Variants in OLFM3 observed in about 807,000 individuals in gnomAD.
OLFM3 encodes olfactomedin 3, also known as noelin-3.
Under a neutral mutation model 48.6 loss-of-function variants are expected in OLFM3, and 20 were observed. That is an observed-to-expected ratio of 0.41 (90% CI 0.29 to 0.60). The LOEUF is 0.60. Among genes scored for constraint, OLFM3 ranks in the 20% least tolerant of loss-of-function variants. OLFM3 has a pLI of 0.28. For synonymous variants in OLFM3, 222 were observed against 198.1 expected, an observed-to-expected ratio of 1.12 and a Z score of -1.01; for missense variants, 437 against 544.3, an observed-to-expected ratio of 0.80 and a Z score of 1.96.
At chr1:101,962,040 A>G (rs1171772455) in intron 1 of OLFM3, among the ~76,000 whole-genome samples, 1 of 152,170 alleles carries the variant, frequency 6.6e-6, no homozygotes, top group Non-Finnish European at 1.5e-5. Flanking sequence ...CAATTTTTTT[A>G]AGAACAATTT....
At chr1:101,888,341 C>T (rs1462283815) in intron 1 of OLFM3, among the ~76,000 whole-genome samples, 3 of 152,002 alleles carry the variant, frequency 2.0e-5, no homozygotes. Context: ...TCAGAAATAA[C>T]ATCACACATC....
At chr1:101,964,560 A>G (rs1024149534) in intron 1 of OLFM3, among the ~76,000 whole-genome samples, 1 of 152,158 alleles carries the variant, frequency 6.6e-6, no homozygotes, top group African/African-American at 2.4e-5. Context: ...CTTTAAATGG[A>G]TCTTCACCAT....
At chr1:101,866,281 T>A (rs1343107458) in intron 1 of OLFM3, among the ~76,000 whole-genome samples, 2 of 152,162 alleles carry the variant, frequency 1.3e-5, no homozygotes, top group Non-Finnish European at 2.9e-5. Flanking sequence ...TCATTTTGAA[T>A]AAAATGTATT....
intron 4 of OLFM3, among the ~76,000 whole-genome samples, chr1:101,819,733 C>T (rs1242055484): frequency 1.3e-5 from 2 of 151,850 alleles, no homozygotes; most frequent in East Asian, 3.9e-4. Context: ...TTGTACTCCA[C>T]AAAAGACATT....
At chr1:101,880,549 G>A (rs1856037) in intron 1 of OLFM3, among the ~76,000 whole-genome samples, 29,961 of 151,610 alleles carry the variant, frequency 0.2, 3,311 homozygotes, top group Non-Finnish European at 0.26. Context: ...TTGAGAAGCC[G>A]TGGTTGGGGC....
At chr1:101,846,681 A>G (rs1419785406) in intron 1 of OLFM3, among the ~76,000 whole-genome samples, 2 of 152,138 alleles carry the variant, frequency 1.3e-5, no homozygotes, top group Admixed American at 6.6e-5. Flanking sequence ...GTATAACTAT[A>G]AAGTGTTTAT....
chr1:101,979,475 T>A (rs970366347), intron 1 of OLFM3, among the ~76,000 whole-genome samples: 2 of 152,134 alleles, frequency 1.3e-5, no homozygotes, highest in Non-Finnish European at 1.5e-5. Context: ...GATCTGATGG[T>A]TTTATAAGCA....
intron 1 of OLFM3, among the ~76,000 whole-genome samples, chr1:101,866,861 A>C (rs1005408743): frequency 6.6e-6 from 1 of 152,180 alleles, no homozygotes; most frequent in African/African-American, 2.4e-5. Flanking sequence ...GTGATTTAAA[A>C]TATTTATTGG....
chr1:101,811,995 A>AC (rs1468297886), intron 4 of OLFM3, among the ~76,000 whole-genome samples: 1 of 152,154 alleles, frequency 6.6e-6, no homozygotes, highest in Non-Finnish European at 1.5e-5. Flanking sequence ...ACCATGGAAT[A>AC]TATGCAGCCA....
intron 1 of OLFM3, among the ~76,000 whole-genome samples, chr1:101,975,887 C>A (rs536911721): frequency 2.6e-5 from 4 of 151,490 alleles, no homozygotes; most frequent in East Asian, 3.9e-4. Context: ...AAAGAATATG[C>A]AAAAATCAAA....
At chr1:101,939,332 G>A (rs1278484693) in intron 1 of OLFM3, among the ~76,000 whole-genome samples, 1 of 152,056 alleles carries the variant, frequency 6.6e-6, no homozygotes, top group Non-Finnish European at 1.5e-5. Context: ...ATATCAGAAT[G>A]GTATTTTGAA....
At chr1:101,979,011 G>A (rs1215717058) in intron 1 of OLFM3, among the ~76,000 whole-genome samples, 1 of 152,092 alleles carries the variant, frequency 6.6e-6, no homozygotes, top group Non-Finnish European at 1.5e-5. Flanking sequence ...CATTAACGTA[G>A]TATATTGAAA....
At chr1:101,958,632 A>G (rs1267923424) in intron 1 of OLFM3, among the ~76,000 whole-genome samples, 1 of 152,028 alleles carries the variant, frequency 6.6e-6, no homozygotes, top group Non-Finnish European at 1.5e-5. Flanking sequence ...CAATCAGGCG[A>G]TGAAAAGCGG....
At chr1:101,955,466 C>T (rs1000555860) in intron 1 of OLFM3, among the ~76,000 whole-genome samples, 6 of 151,830 alleles carry the variant, frequency 4.0e-5, no homozygotes, top group African/African-American at 1.4e-4. Flanking sequence ...TCATAAACAC[C>T]ATATTCGATA....
At chr1:101,938,923 A>C (rs949510001) in intron 1 of OLFM3, among the ~76,000 whole-genome samples, 8 of 152,266 alleles carry the variant, frequency 5.3e-5, no homozygotes, top group Admixed American at 3.3e-4. Flanking sequence ...TTTCCCACCC[A>C]CCTGGAGTCC....
At chr1:101,888,139 GA>G (rs1324866441) in intron 1 of OLFM3, among the ~76,000 whole-genome samples, 1 of 151,998 alleles carries the variant, frequency 6.6e-6, no homozygotes, top group Non-Finnish European at 1.5e-5. Context: ...CACAGAATTG[GA>G]AAAAACTACT....
chr1:101,878,310 C>T (rs553332127), intron 1 of OLFM3, among the ~76,000 whole-genome samples: 21 of 151,940 alleles, frequency 1.4e-4, no homozygotes, highest in East Asian at 3.9e-4. Context: ...GATGGTGCAG[C>T]ACACCTGAAT....
intron 4 of OLFM3, among the ~76,000 whole-genome samples, chr1:101,822,212 T>C (rs970728401): frequency 6.3e-4 from 96 of 152,222 alleles, no homozygotes; most frequent in African/African-American, 2.2e-3. Flanking sequence ...CCAACTGCAG[T>C]ACAAATTATT....
intron 1 of OLFM3, among the ~76,000 whole-genome samples, chr1:101,964,789 T>C (rs1243225560): frequency 6.6e-6 from 1 of 152,172 alleles, no homozygotes; most frequent in Non-Finnish European, 1.5e-5. Flanking sequence ...AGCATGAAAG[T>C]ATACAGGAGA....
Sources: gnomAD v4.1 joint callset for allele counts (sites outside exome capture counted in the v4.1 genomes callset) on GRCh38, gnomAD v4.1.1 for gene constraint, MANE v1.5 for transcripts, NCBI Gene and HGNC (gene_info 2026-07-23, HGNC 2026-07-21) for gene names.